LRPAP1: variants seen among roughly 807,000 people sequenced by gnomAD.
The protein encoded by LRPAP1 is alpha-2-macroglobulin receptor-associated protein.
Under a neutral mutation model 39.9 loss-of-function variants are expected in LRPAP1, and 41 were observed. That is an observed-to-expected ratio of 1.03 (90% CI 0.80 to 1.33). The LOEUF (loss-of-function observed/expected upper bound fraction) is 1.33, where lower values mean the gene tolerates loss of function less well. LRPAP1 is among the 40% of genes most tolerant of loss of function. The pLI is 0.00. For missense variants in LRPAP1, 565 were observed against 482.3 expected, an observed-to-expected ratio of 1.17 and a Z score of -1.61; for synonymous variants, 263 against 212.7, an observed-to-expected ratio of 1.24 and a Z score of -2.06.
At position 3,509,950 on chromosome 4, in the gene LRPAP1, T is replaced by G. The variant is rs1290773109; in HGVS notation, c.*3024A>C. 6.6e-6 allele frequency: 1 copy of G among 151,962 alleles called. No individual in the cohort carries two copies. The highest frequency in any genetic ancestry group is 1.5e-5 in the Non-Finnish European group (1 of 68,026). 9.4% of individuals were successfully genotyped at this position (151,962 alleles called of 1,614,324 possible). ...TTCAGAAAAGGTATTCAAAAATGCGTTCAAGGGAATTGCTATTGAAATTCC... is the reference window on the plus strand; with the variant it reads ...TTCAGAAAAGGTATTCAAAAATGCGGTCAAGGGAATTGCTATTGAAATTCC... On this transcript the variant is annotated 3_prime_UTR_variant, in exon 8 of 8. Transcript: ENST00000650182.
chr4:3,532,095 AC>A (rs1463067718), intron 1 of LRPAP1, 113 bp downstream of exon 1: 1 of 1,196,596 alleles, frequency 8.4e-7, no homozygotes, highest in Non-Finnish European at 1.2e-6. Flanking sequence ...CGCGTAGGGC[AC>A]AGGTGCCCCG....
In LRPAP1 at chr4:3,529,536, A is replaced by C. The variant is rs1246937646; in HGVS notation, c.204+2673T>G. 2.6e-5 allele frequency among the ~76,000 whole-genome samples: 4 copies of C among 152,218 alleles called. No homozygotes were observed. The East Asian group carries it at 7.7e-4, about 29-fold the overall frequency. The stretch of plus-strand genomic sequence containing the variant: ...GTCCTCAGAAGTCGTCTGTGAGCAC[A>C]AGGGCTCTGCATGGCCTCTGACCTC... On this transcript the variant is annotated intron_variant, in intron 1 of 7. Coordinates refer to ENST00000650182, the MANE Select transcript of LRPAP1 (RefSeq NM_002337.4).
intron 4 of LRPAP1, 62 bp downstream of exon 4, chr4:3,518,808 AG>A: frequency 1.2e-6 from 1 of 807,880 alleles, no homozygotes; most frequent in Non-Finnish European, 1.6e-6. Context: ...CCTCAGGTGC[AG>A]GAGGGGTGGG....
chr4:3,504,677 G>C lies in LRPAP1; in HGVS notation c.*8297C>G, dbSNP rs1729297268. Among the ~76,000 whole-genome samples the C allele has an allele frequency of 6.6e-6, 1 of 151,304 alleles. No homozygotes were observed. The highest frequency in any genetic ancestry group is 2.4e-5 in the African/African-American group (1 of 41,046). Reference sequence around the variant, plus strand: ...AGGCAGGAGAATTTCTTGAACCCAGGAGGTGGAGGTTGCAGTGAGCCAAGA... The same window carrying C: ...AGGCAGGAGAATTTCTTGAACCCAGCAGGTGGAGGTTGCAGTGAGCCAAGA... On this transcript the variant is annotated 3_prime_UTR_variant, in exon 8 of 8. Transcript: ENST00000650182.
At chr4:3,525,237 C>G in intron 1 of LRPAP1, 186 bp from the exon 2 acceptor site, 1 of 630,356 alleles carries the variant, frequency 1.6e-6, no homozygotes, top group South Asian at 1.8e-5. Flanking sequence ...GGACACCAGT[C>G]TCTAGGCCTG....
In LRPAP1 at chr4:3,505,206, A is replaced by G. The variant is rs2858027; in HGVS notation, c.*7768T>C. 0.74 allele frequency among the ~76,000 whole-genome samples: 112,574 copies of G among 152,166 alleles called. 41,982 individuals carry two copies. The highest frequency in any genetic ancestry group is 0.94 in the East Asian group (4,817 of 5,150). Reference sequence around the variant, plus strand: ...AGGGCGACCGTGTCCTGGACAGCCCAGCTCGAGGCTGCTCTTCAGCCCCAG... The same window carrying G: ...AGGGCGACCGTGTCCTGGACAGCCCGGCTCGAGGCTGCTCTTCAGCCCCAG... On this transcript the variant is annotated 3_prime_UTR_variant, in exon 8 of 8. Coordinates refer to ENST00000650182, the MANE Select transcript of LRPAP1 (RefSeq NM_002337.4).
Position 3,531,178 on chromosome 4 carries a change from C to G in LRPAP1, c.204+1031G>C, listed in dbSNP as rs147744753. 3.5e-3 allele frequency among the ~76,000 whole-genome samples: 539 copies of G among 152,288 alleles called. 1 individual carries two copies. Among genetic ancestry groups the G allele is most frequent in the African/African-American group, 0.013 (520 of 41,560 alleles). On this transcript the variant is annotated intron_variant, in intron 1 of 7. Transcript: ENST00000650182. The stretch of plus-strand genomic sequence containing the variant: ...GCTGAACATTACGCCTGGGGCTTGA[C>G]TGCTGGTCCCAGGAGCAGTTCAGGA...
At chr4:3,522,329 C>T (rs1729933662) in intron 2 of LRPAP1, among the ~76,000 whole-genome samples, 1 of 152,262 alleles carries the variant, frequency 6.6e-6, no homozygotes, top group Non-Finnish European at 1.5e-5. Context: ...GGTCAGACCC[C>T]ATCAAAAGGC....
rs779565585 is a variant in LRPAP1 at position 3,532,188 on chromosome 4, C to T, written c.204+21G>A. On this transcript the variant is annotated intron_variant, in intron 1 of 7. Transcript: ENST00000650182. Reference sequence around the variant, plus strand: ...GCCCCCGCCCCCAGGCCCCGCTCCACCGACCGCGGGCCGCGCTCACTCGCT... The same window carrying T: ...GCCCCCGCCCCCAGGCCCCGCTCCATCGACCGCGGGCCGCGCTCACTCGCT... The T allele has an allele frequency of 8.4e-6, 10 of 1,189,726 alleles. No homozygotes were observed. The African/African-American group carries it at 1.2e-4, about 14-fold the overall frequency. The allele number at this position is 1,189,726 out of a possible 1,614,324, so 73.7% of individuals were successfully genotyped here.
chr4:3,513,162 C>A, intron 7 of LRPAP1, 126 bp from the exon 8 acceptor site: 8 of 672,476 alleles, frequency 1.2e-5, no homozygotes, highest in Non-Finnish European at 2.1e-5. Context: ...ATCTGACTTT[C>A]CAATTCCACA....
intron 5 of LRPAP1, chr4:3,517,810 T>C (rs2515968): frequency 0.72 from 351,235 of 488,286 alleles, 127,699 homozygotes; most frequent in East Asian, 0.92. Context: ...CACTGCCCTC[T>C]GCTAGTCTCC....
intron 2 of LRPAP1, among the ~76,000 whole-genome samples, chr4:3,524,311 T>C (rs1184390468): frequency 2.0e-5 from 3 of 152,236 alleles, no homozygotes; most frequent in African/African-American, 7.2e-5. Flanking sequence ...TCTTCTTGAA[T>C]ACCCACAGGG....
At chr4:3,526,804 C>G (rs1455749394) in intron 1 of LRPAP1, among the ~76,000 whole-genome samples, 1 of 152,364 alleles carries the variant, frequency 6.6e-6, no homozygotes, top group East Asian at 1.9e-4. Context: ...CCCCTGACCA[C>G]AGGCCCTGTC....
At chr4:3,517,960 T>A in intron 5 of LRPAP1, 74 bp downstream of exon 5, 1 of 1,512,272 alleles carries the variant, frequency 6.6e-7, no homozygotes, top group Non-Finnish European at 8.8e-7. Flanking sequence ...TACAAGCACC[T>A]GCCTGCTTGT....
rs1729488534 is a variant in LRPAP1 at position 3,510,994 on chromosome 4, T to C, written c.*1980A>G. 1 of 152,272 alleles carries C rather than the reference T, an allele frequency of 6.6e-6. No homozygotes were observed. The highest frequency in any genetic ancestry group is 2.4e-5 in the African/African-American group (1 of 41,414). The allele number at this position is 152,272 out of a possible 1,614,324, so 9.4% of individuals were successfully genotyped here. A position where few individuals can be genotyped will look rare whatever the true frequency, so the allele number is the denominator to read the frequency against. On this transcript the variant is annotated 3_prime_UTR_variant, in exon 8 of 8. Coordinates refer to ENST00000650182, the MANE Select transcript of LRPAP1 (RefSeq NM_002337.4). ...GTGTAACTGCCTCCCCTCAACACCA[T>C]GGTCTCCCACATACAAAAGAGGCCA...
chr4:3,513,871 G>A (rs76316256), intron 7 of LRPAP1, among the ~76,000 whole-genome samples: 5,818 of 152,300 alleles, frequency 0.038, 146 homozygotes, highest in Admixed American at 0.06. Context: ...ATAGAAGCCC[G>A]TGGCTCAGGG....
At chr4:3,520,000 C>T in intron 3 of LRPAP1, 72 bp downstream of exon 3, 1 of 1,568,488 alleles carries the variant, frequency 6.4e-7, no homozygotes, top group South Asian at 1.2e-5. Flanking sequence ...GAGACTGCCC[C>T]TCACAGCCCC....
intron 1 of LRPAP1, among the ~76,000 whole-genome samples, chr4:3,531,240 A>AGC (rs1273119389): frequency 5.3e-5 from 8 of 151,954 alleles, no homozygotes; most frequent in Non-Finnish European, 8.8e-5. Context: ...GTCAATCCCC[A>AGC]TCCCCACGCA....
In LRPAP1 at chr4:3,530,913, C is replaced by T. The variant is rs375826000; in HGVS notation, c.204+1296G>A. ...CTCCAATCGGTCAGGGAGTCTATTTCGGGCTCCCCATTCCTCATGGGGAGG... is the reference window on the plus strand; with the variant it reads ...CTCCAATCGGTCAGGGAGTCTATTTTGGGCTCCCCATTCCTCATGGGGAGG... On this transcript the variant is annotated intron_variant, in intron 1 of 7. Transcript: ENST00000650182. Among the ~76,000 whole-genome samples, 56 of 152,174 alleles carry T rather than the reference C, an allele frequency of 3.7e-4. No homozygotes were observed. The South Asian group carries it at 0.01, about 28-fold the overall frequency.
Sources: gnomAD v4.1 joint callset for allele counts (sites outside exome capture counted in the v4.1 genomes callset) on GRCh38, gnomAD v4.1.1 for gene constraint, MANE v1.5 for transcripts, NCBI Gene and HGNC (gene_info 2026-07-23, HGNC 2026-07-21) for gene names.